The following RAB3D variants were observed in gnomAD, a reference collection of about 807,000 sequenced individuals.
RAB3D encodes the protein RAB3D, member RAS oncogene family.
Under a neutral mutation model 19.3 loss-of-function variants are expected in RAB3D, and 17 were observed. The observed-to-expected ratio is 0.88, with a 90% CI of 0.60 to 1.32. The LOEUF (loss-of-function observed/expected upper bound fraction) is 1.32, where lower values mean the gene tolerates loss of function less well. Among genes scored for constraint, RAB3D ranks in the 40% most tolerant of loss-of-function variants. The probability of loss-of-function intolerance (pLI) is 0.00; values close to 1 mark genes in which losing one functional copy is unlikely to be tolerated. For missense variants in RAB3D, 223 were observed against 299.1 expected, an observed-to-expected ratio of 0.75 and a Z score of 1.88; for synonymous variants, 103 against 119.9, an observed-to-expected ratio of 0.86 and a Z score of 0.92.
At chr19:11,326,360 G>A (rs1371100738) in intron 4 of RAB3D, among the ~76,000 whole-genome samples, 1 of 152,144 alleles carries the variant, frequency 6.6e-6, no homozygotes, top group Non-Finnish European at 1.5e-5. Flanking sequence ...CAGCCTGGGT[G>A]ATGGAGCAAG....
intron 4 of RAB3D, among the ~76,000 whole-genome samples, chr19:11,330,555 T>A (rs1377502681): frequency 1.3e-5 from 2 of 151,926 alleles, no homozygotes; most frequent in Non-Finnish European, 2.9e-5. Flanking sequence ...CTCTTAAAAT[T>A]TTTTTCTTTT....
rs1182408024 is a variant in RAB3D, at chr19:11,337,172, C to G, written c.228G>C (p.Trp76Cys). The G allele has an allele frequency of 6.2e-7, 1 of 1,613,508 alleles. No homozygotes were observed. Among genetic ancestry groups the G allele is most frequent in the Non-Finnish European group, 8.5e-7 (1 of 1,179,748 alleles). Residue 76 changes from tryptophan to cysteine, a missense_variant and splice_region_variant, in exon 2 of 5, where the codon TGG becomes TGC. Coordinates refer to ENST00000222120, the MANE Select transcript of RAB3D (RefSeq NM_004283.4). ...ACCCACAGCCAGCCTCCCAGCCTAC[C>G]CAGATCTGCAGCTTGATCCTCTTGT... ...RHDKRIKLQI[W>C]DTAGQERYRT... is the part of the protein sequence containing the mutation.
intron 4 of RAB3D, among the ~76,000 whole-genome samples, chr19:11,327,206 A>G (rs8110894): frequency 0.13 from 19,030 of 152,218 alleles, 2,773 homozygotes; most frequent in African/African-American, 0.35. Context: ...TGCCCGACAC[A>G]GAGAGGGTGC....
At chr19:11,334,950 G>C (rs2080847062) in intron 4 of RAB3D, among the ~76,000 whole-genome samples, 1 of 152,064 alleles carries the variant, frequency 6.6e-6, no homozygotes, top group African/African-American at 2.4e-5. Context: ...CTGGGAAGCG[G>C]AGCTTGCAGT....
At chr19:11,333,382 G>T (rs1183065570) in intron 4 of RAB3D, among the ~76,000 whole-genome samples, 8 of 151,960 alleles carry the variant, frequency 5.3e-5, no homozygotes, top group Admixed American at 3.9e-4. Context: ...GCCCGGCAGA[G>T]AAATATTTCT....
intron 3 of RAB3D, 28 bp from the exon 4 acceptor site, chr19:11,335,599 A>C (rs1295799150): frequency 6.2e-7 from 1 of 1,613,850 alleles, no homozygotes; most frequent in East Asian, 2.2e-5. Flanking sequence ...GTGAGCCATG[A>C]GCCGGGGGGG....
chr19:11,336,516 T>C (rs1338783236), intron 2 of RAB3D, among the ~76,000 whole-genome samples: 1 of 151,924 alleles, frequency 6.6e-6, no homozygotes, highest in African/African-American at 2.4e-5. Flanking sequence ...CGCTATGTTG[T>C]CCAGGCTGGT....
chr19:11,330,612 C>T (rs1046996743), intron 4 of RAB3D, among the ~76,000 whole-genome samples: 1 of 152,072 alleles, frequency 6.6e-6, no homozygotes, highest in Non-Finnish European at 1.5e-5. Flanking sequence ...TGCAGTGGCA[C>T]GATCTCGGCT....
At position 11,328,694 on chromosome 19, in the gene RAB3D, G is replaced by A. The variant is rs142052858; in HGVS notation, c.473-3109C>T. Among the ~76,000 whole-genome samples, 562 of 151,894 alleles carry A rather than the reference G, an allele frequency of 3.7e-3. 9 individuals carry two copies. Among genetic ancestry groups the A allele is most frequent in the African/African-American group, 0.013 (540 of 41,450 alleles). On this transcript the variant is annotated intron_variant, in intron 4 of 4. Coordinates refer to ENST00000222120, the MANE Select transcript of RAB3D (RefSeq NM_004283.4). ...TAGCCAGGTGTGGTGGCATGCACCC[G>A]TAGTCCCACCTACTTGGGAGGCTGA...
At chr19:11,326,219 T>TAAAA (rs57893701) in intron 4 of RAB3D, among the ~76,000 whole-genome samples, 2 of 142,018 alleles carry the variant, frequency 1.4e-5, no homozygotes, top group African/African-American at 5.1e-5. Flanking sequence ...GAGATTCTAT[T>TAAAA]AAAAAAAAAA....
chr19:11,338,122 T>G (rs1401960297), intron 1 of RAB3D, among the ~76,000 whole-genome samples: 1 of 152,128 alleles, frequency 6.6e-6, no homozygotes, highest in Non-Finnish European at 1.5e-5. Flanking sequence ...CACGTAACGG[T>G]CATTAGACAG....
chr19:11,335,776 G>T lies in RAB3D; in HGVS notation c.236C>A (p.Ala79Glu), dbSNP rs759551554. ...KRIKLQIWDT[A>E]GQERYRTITT... ...GATGGTGCGGTAGCGCTCCTGGCCC[G>T]CTGTGTCCTGGACAAATGGCAGTGG... The change falls in exon 3 of 5, where the codon GCG becomes GAG. Residue 79 changes from alanine (A) to glutamate (E), a missense_variant. By Grantham distance (107) the Ala-to-Glu change is moderately radical (BLOSUM62 -1). Coordinates refer to ENST00000222120, the MANE Select transcript of RAB3D (RefSeq NM_004283.4). 2 of 1,614,008 alleles carry T rather than the reference G, an allele frequency of 1.2e-6. No homozygotes were observed. Among genetic ancestry groups the T allele is most frequent in the Admixed American group, 1.7e-5 (1 of 60,016 alleles).
Position 11,335,583 on chromosome 19 carries a change from C to G in RAB3D, c.348-12G>C. The G allele has an allele frequency of 6.2e-7, 1 of 1,614,002 alleles. No individual in the cohort carries two copies. Among genetic ancestry groups the G allele is most frequent in the East Asian group, 2.2e-5 (1 of 44,884 alleles). On this transcript the variant is annotated splice_polypyrimidine_tract_variant and intron_variant, in intron 3 of 4. Transcript: ENST00000222120. ...TGATTTGCGTGGCCCTGCAGAGTTA[C>G]CAGTGGTGAGCCATGAGCCGGGGGG...
rs1277138444 is a variant in RAB3D at position 11,323,846 on chromosome 19, GTGC to G, written c.*1549_*1551del. 2 of 152,246 alleles carry G rather than the reference GTGC, an allele frequency of 1.3e-5. No homozygotes were observed. The highest frequency in any genetic ancestry group is 2.9e-5 in the Non-Finnish European group (2 of 68,080). 9.4% of individuals were successfully genotyped at this position (152,246 alleles called of 1,614,324 possible). On this transcript the variant is annotated 3_prime_UTR_variant, in exon 5 of 5. Transcript: ENST00000222120. ...AAACATCCACTTAGCCATCCTAACA[GTGC>G]TGGTCCTGTGAAGGGGTGTTGGTTG...
In RAB3D at chr19:11,325,120, C is replaced by T. The variant is rs2080803815; in HGVS notation, c.*278G>A. 5.7e-6 allele frequency: 2 copies of T among 349,744 alleles called. No homozygotes were observed. Among genetic ancestry groups the T allele is most frequent in the East Asian group, 1.1e-4 (2 of 18,840 alleles). 21.7% of individuals were successfully genotyped at this position (349,744 alleles called of 1,614,324 possible). ...GTGTCACCCATGGCCACCCTCAACA[C>T]ACCCTGGAAAGCAGCAAGCTCATGC... On this transcript the variant is annotated 3_prime_UTR_variant, in exon 5 of 5. Transcript: ENST00000222120.
rs2080785740 is a variant in RAB3D, at chr19:11,322,494, C to T, written c.*2904G>A. ...TTAGTGGGTGGTCCTGACCAATCCC[C>T]TGGAGCTGGAGAGGGGTTTTCCCAC... On this transcript the variant is annotated 3_prime_UTR_variant, in exon 5 of 5. Coordinates refer to ENST00000222120, the MANE Select transcript of RAB3D (RefSeq NM_004283.4). The T allele has an allele frequency of 6.6e-6, 1 of 152,138 alleles. No homozygotes were observed. The highest frequency in any genetic ancestry group is 1.5e-5 in the Non-Finnish European group (1 of 68,044). 9.4% of individuals were successfully genotyped at this position (152,138 alleles called of 1,614,324 possible).
intron 4 of RAB3D, among the ~76,000 whole-genome samples, chr19:11,330,712 G>A (rs2080832616): frequency 6.6e-6 from 1 of 151,942 alleles, no homozygotes; most frequent in South Asian, 2.1e-4. Context: ...ACCACACCCG[G>A]CTAATTTTTT....
chr19:11,337,488 G>T, intron 1 of RAB3D, 28 bp from the exon 2 acceptor site: 1 of 1,050,108 alleles, frequency 9.5e-7, no homozygotes, highest in Non-Finnish European at 1.5e-6. Flanking sequence ...ATCAAGAACA[G>T]CTCCTGTGAA....
At position 11,335,731 on chromosome 19, in the gene RAB3D, C is replaced by A. The variant is rs760552380; in HGVS notation, c.281G>T (p.Gly94Val). 6.2e-7 allele frequency: 1 copy of A among 1,614,066 alleles called. No individual in the cohort carries two copies. The highest frequency in any genetic ancestry group is 1.3e-5 in the African/African-American group (1 of 74,934). ...ATACATGAGCAGGAAGCCCATGGCT[C>A]CCCGGTAGTAGGCCGTGGTGATGGT... ...YRTITTAYYR[G>V]AMGFLLMYDI... Residue 94 changes from glycine to valine, a missense_variant, in exon 3 of 5, where the codon GGA becomes GTA. By Grantham distance (109) the Gly-to-Val change is moderately radical (BLOSUM62 -3). Coordinates refer to ENST00000222120, the MANE Select transcript of RAB3D (RefSeq NM_004283.4).
Sources: gnomAD v4.1 joint callset for allele counts (sites outside exome capture counted in the v4.1 genomes callset) on GRCh38, gnomAD v4.1.1 for gene constraint, MANE v1.5 for transcripts, NCBI Gene and HGNC (gene_info 2026-07-23, HGNC 2026-07-21) for gene names.